FSIP1: variants seen among roughly 807,000 people sequenced by gnomAD.
FSIP1 encodes fibrous sheath interacting protein 1.
FSIP1 carries 65 observed loss-of-function variants against 60.9 expected under a neutral mutation model. The ratio of observed to expected loss-of-function variants is 1.07; its 90% CI spans 0.87 to 1.31. The LOEUF (loss-of-function observed/expected upper bound fraction) is 1.31, where lower values mean the gene tolerates loss of function less well. Among genes scored for constraint, FSIP1 ranks in the 40% most tolerant of loss-of-function variants. The pLI is 0.00. For synonymous variants in FSIP1, 209 were observed against 221.2 expected (o/e 0.94, Z 0.49); for missense variants, 675 against 665.5 (o/e 1.01, Z -0.16).
At chr15:39,622,476 C>G (rs1308800282) in intron 10 of FSIP1, among the ~76,000 whole-genome samples, 3 of 152,144 alleles carry the variant, frequency 2.0e-5, no homozygotes, top group Non-Finnish European at 4.4e-5. Flanking sequence ...AATACACATG[C>G]AGTTTTAGTT....
intron 5 of FSIP1, among the ~76,000 whole-genome samples, chr15:39,742,243 T>C (rs1416550820): frequency 6.6e-6 from 1 of 152,224 alleles, no homozygotes; most frequent in Non-Finnish European, 1.5e-5. Flanking sequence ...ACAGAGAATA[T>C]GCATACTGAG....
intron 10 of FSIP1, among the ~76,000 whole-genome samples, chr15:39,698,222 T>C (rs922078841): frequency 6.7e-6 from 1 of 149,738 alleles, no homozygotes; most frequent in Non-Finnish European, 1.5e-5. Flanking sequence ...TTAATAATGT[T>C]TATATTAATT....
intron 5 of FSIP1, among the ~76,000 whole-genome samples, chr15:39,757,240 T>C (rs909906728): frequency 3.9e-5 from 6 of 152,132 alleles, no homozygotes; most frequent in South Asian, 2.1e-4. Flanking sequence ...TATACATTTC[T>C]AATTAAAACA....
intron 10 of FSIP1, among the ~76,000 whole-genome samples, chr15:39,701,429 G>A (rs761583724): frequency 9.2e-5 from 14 of 152,102 alleles, no homozygotes; most frequent in Non-Finnish European, 1.6e-4. Flanking sequence ...AGAGGCTAAC[G>A]TGCTATTCTA....
chr15:39,734,366 TA>T (rs1243246064), intron 8 of FSIP1, among the ~76,000 whole-genome samples: 61 of 152,328 alleles, frequency 4.0e-4, no homozygotes, highest in Non-Finnish European at 7.5e-4. Flanking sequence ...AATACACAGT[TA>T]ATGATGTGGC....
intron 10 of FSIP1, among the ~76,000 whole-genome samples, chr15:39,642,257 T>C (rs16969484): frequency 0.017 from 2,516 of 152,330 alleles, 68 homozygotes; most frequent in African/African-American, 0.053. Context: ...TTGCTAATTT[T>C]AATGGGACCG....
chr15:39,735,645 T>G (rs893924416), intron 8 of FSIP1, among the ~76,000 whole-genome samples: 1 of 152,136 alleles, frequency 6.6e-6, no homozygotes, highest in African/African-American at 2.4e-5. Flanking sequence ...ATATTTTTCT[T>G]TATTTAATAA....
chr15:39,713,874 T>G (rs1455023116), intron 9 of FSIP1, among the ~76,000 whole-genome samples: 1 of 152,230 alleles, frequency 6.6e-6, no homozygotes. Context: ...GTCCCTGCTC[T>G]GATACTTACC....
intron 10 of FSIP1, among the ~76,000 whole-genome samples, chr15:39,649,401 T>C (rs565869972): frequency 6.6e-6 from 1 of 152,318 alleles, no homozygotes; most frequent in Admixed American, 6.5e-5. Flanking sequence ...GTTTTCAATC[T>C]CCAAGAACAT....
At chr15:39,724,993 G>T (rs1363105276) in intron 9 of FSIP1, among the ~76,000 whole-genome samples, 3 of 152,314 alleles carry the variant, frequency 2.0e-5, no homozygotes, top group African/African-American at 7.2e-5. Flanking sequence ...AGCACTTTGG[G>T]AGGCAAAGGC....
chr15:39,640,771 A>G (rs72725097), intron 10 of FSIP1, among the ~76,000 whole-genome samples: 59,221 of 150,866 alleles, frequency 0.39, 13,930 homozygotes, highest in African/African-American at 0.67. Context: ...AATTGGAAGG[A>G]GAGTACAGAA....
chr15:39,774,553 G>A (rs930640257), intron 2 of FSIP1, among the ~76,000 whole-genome samples: 1 of 151,510 alleles, frequency 6.6e-6, no homozygotes, highest in Admixed American at 6.6e-5. Flanking sequence ...CAATATGGAA[G>A]AGCCACTATC....
chr15:39,607,774 T>G (rs1890879478), intron 11 of FSIP1, among the ~76,000 whole-genome samples: 1 of 152,202 alleles, frequency 6.6e-6, no homozygotes, highest in Admixed American at 6.5e-5. Flanking sequence ...CAACTACGTA[T>G]CAGTAATACT....
chr15:39,638,013 G>C (rs1373065755), intron 10 of FSIP1, among the ~76,000 whole-genome samples: 5 of 152,160 alleles, frequency 3.3e-5, no homozygotes, highest in African/African-American at 9.7e-5. Flanking sequence ...AGCAAGTAAA[G>C]AGAAAAGACT....
chr15:39,778,079 A>G (rs77025704), intron 1 of FSIP1, among the ~76,000 whole-genome samples: 5,166 of 152,322 alleles, frequency 0.034, 293 homozygotes, highest in African/African-American at 0.12. Context: ...ATTGATCTCA[A>G]CATTATTCAA....
chr15:39,607,383 G>A (rs894246312), intron 11 of FSIP1, among the ~76,000 whole-genome samples: 7 of 152,162 alleles, frequency 4.6e-5, no homozygotes, highest in Admixed American at 1.3e-4. Flanking sequence ...GCAATAAAGC[G>A]AACCTCCTTG....
intron 11 of FSIP1, among the ~76,000 whole-genome samples, chr15:39,608,410 C>A (rs1220882763): frequency 2.0e-5 from 3 of 152,158 alleles, no homozygotes; most frequent in Admixed American, 6.5e-5. Context: ...CATATCTTAG[C>A]AAATTACTTT....
Position 39,713,431 on chromosome 15 carries a change from C to G in FSIP1, c.1188+13G>C. 1 of 1,580,262 alleles carries G rather than the reference C, an allele frequency of 6.3e-7. No individual in the cohort carries two copies. Among genetic ancestry groups the G allele is most frequent in the Non-Finnish European group, 8.6e-7 (1 of 1,169,434 alleles). On this transcript the variant is annotated intron_variant, in intron 10 of 11. Transcript: ENST00000350221. ...TTTTCTTAAAAAAAATTAATTAAAA[C>G]AAAAAGACTTACCACATTTTCCTTC... is the stretch of plus-strand genomic sequence containing the variant.
At chr15:39,641,735 T>C (rs1050492306) in intron 10 of FSIP1, among the ~76,000 whole-genome samples, 6 of 152,060 alleles carry the variant, frequency 3.9e-5, no homozygotes, top group African/African-American at 1.4e-4. Flanking sequence ...CAAAATCTGC[T>C]CTCCTTCCTA....
Sources: gnomAD v4.1 joint callset for allele counts (sites outside exome capture counted in the v4.1 genomes callset) on GRCh38, gnomAD v4.1.1 for gene constraint, MANE v1.5 for transcripts, NCBI Gene and HGNC (gene_info 2026-07-23, HGNC 2026-07-21) for gene names.